The following OCA2 variants were observed in gnomAD, a reference collection of about 807,000 sequenced individuals.
OCA2 encodes OCA2 melanosomal transmembrane protein, also known as P protein.
OCA2 carries 77 observed loss-of-function variants against 100.2 expected under a neutral mutation model. That is an observed-to-expected ratio of 0.77 (90% CI 0.64 to 0.93). The LOEUF (loss-of-function observed/expected upper bound fraction) is 0.93, where lower values mean the gene tolerates loss of function less well. Among genes scored for constraint, OCA2 ranks in the 40% least tolerant of loss-of-function variants. The pLI is 0.00. For missense variants in OCA2, 1,062 were observed against 1,089.1 expected (o/e 0.98, Z 0.35); for synonymous variants, 432 against 439.2 (o/e 0.98, Z 0.21).
chr15:27,987,036 T>C (rs951723337), intron 11 of OCA2, among the ~76,000 whole-genome samples: 8 of 152,246 alleles, frequency 5.3e-5, no homozygotes, highest in Non-Finnish European at 1.2e-4. Flanking sequence ...CATGTGGCCT[T>C]CTGCACCTAC....
intron 18 of OCA2, among the ~76,000 whole-genome samples, chr15:27,938,321 G>A (rs2039529241): frequency 6.6e-6 from 1 of 152,198 alleles, no homozygotes; most frequent in South Asian, 2.1e-4. Context: ...TGAGGGTCAG[G>A]AGGTAGCTAA....
intron 14 of OCA2, among the ~76,000 whole-genome samples, chr15:27,967,109 G>C (rs964919353): frequency 1.3e-5 from 2 of 152,144 alleles, no homozygotes; most frequent in Non-Finnish European, 2.9e-5. Context: ...CAGCCTGGGC[G>C]ACAGAGCGAG....
At chr15:27,768,873 G>T (rs1240561552) in intron 23 of OCA2, among the ~76,000 whole-genome samples, 1 of 152,222 alleles carries the variant, frequency 6.6e-6, no homozygotes, top group African/African-American at 2.4e-5. Context: ...TTCTTCTGGG[G>T]CCGAGCCAGT....
At chr15:27,747,409 G>A in the OCA2 span, among the ~76,000 whole-genome samples, 1 of 152,332 alleles carries the variant, frequency 6.6e-6, no homozygotes, top group East Asian at 1.9e-4. Context: ...ACATTGTGGT[G>A]TATAACAGCC....
chr15:27,720,404 T>C, the OCA2 span, among the ~76,000 whole-genome samples: 1 of 149,858 alleles, frequency 6.7e-6, no homozygotes, highest in Non-Finnish European at 1.5e-5. Context: ...TATTATGTTA[T>C]ATATATGCAT....
chr15:27,915,499 T>C (rs1046296519), intron 19 of OCA2, among the ~76,000 whole-genome samples: 1 of 152,070 alleles, frequency 6.6e-6, no homozygotes, highest in African/African-American at 2.4e-5. Flanking sequence ...ATAAGAGACT[T>C]AAACAAATTT....
intron 23 of OCA2, among the ~76,000 whole-genome samples, chr15:27,837,655 C>T (rs1005896272): frequency 4.6e-5 from 7 of 152,028 alleles, no homozygotes; most frequent in African/African-American, 1.2e-4. Flanking sequence ...CACTGGAAAA[C>T]GATCCTGGTG....
At chr15:28,060,107 G>A (rs930798116) in intron 2 of OCA2, among the ~76,000 whole-genome samples, 2 of 152,220 alleles carry the variant, frequency 1.3e-5, no homozygotes, top group Non-Finnish European at 2.9e-5. Context: ...CACCTCTGCT[G>A]CAGTCTCATG....
chr15:27,988,280 C>T (rs1349439127), intron 11 of OCA2, among the ~76,000 whole-genome samples: 1 of 152,026 alleles, frequency 6.6e-6, no homozygotes, highest in African/African-American at 2.4e-5. Context: ...CTGAATTCCA[C>T]CGAGAAAAAC....
rs1283590471 is a variant in OCA2 at position 27,998,523 on chromosome 15, G to A, written c.1045-7876C>T. Among the ~76,000 whole-genome samples the A allele has an allele frequency of 8.7e-3, 1,308 of 149,868 alleles. 24 individuals are homozygous for A. Among genetic ancestry groups the A allele is most frequent in the African/African-American group, 0.031 (1,266 of 41,234 alleles). On this transcript the variant is annotated intron_variant, in intron 9 of 23. Transcript: ENST00000354638. ...GATACCATCTCACACCAGTTAGAAT[G>A]GTGATCATTAAAAAGTCAAGAAACA...
intron 23 of OCA2, among the ~76,000 whole-genome samples, chr15:27,784,528 A>G (rs564379024): frequency 1.7e-4 from 26 of 152,364 alleles, no homozygotes; most frequent in African/African-American, 6.0e-4. Context: ...AACCAGACTC[A>G]GGTATGACAC....
chr15:27,773,064 CTA>C (rs2031984325), intron 23 of OCA2, among the ~76,000 whole-genome samples: 1 of 152,048 alleles, frequency 6.6e-6, no homozygotes, highest in African/African-American at 2.4e-5. Flanking sequence ...AATATGAACT[CTA>C]TAAAATATTC....
chr15:27,733,768 C>A, the OCA2 span, among the ~76,000 whole-genome samples: 1 of 151,896 alleles, frequency 6.6e-6, no homozygotes, highest in Non-Finnish European at 1.5e-5. Context: ...TTGAATGTCT[C>A]CATTTTAAAT....
intron 19 of OCA2, among the ~76,000 whole-genome samples, chr15:27,921,161 A>G (rs1004752362): frequency 3.3e-5 from 5 of 152,194 alleles, no homozygotes; most frequent in African/African-American, 9.6e-5. Context: ...ACCTAGATGC[A>G]TAATAGTCAC....
At chr15:28,007,050 C>T (rs1370287863) in intron 9 of OCA2, among the ~76,000 whole-genome samples, 2 of 152,156 alleles carry the variant, frequency 1.3e-5, no homozygotes, top group African/African-American at 4.8e-5. Context: ...TGAAAGGACC[C>T]AGAGCAATGA....
chr15:27,869,852 C>T (rs1286613787), intron 21 of OCA2, among the ~76,000 whole-genome samples: 2 of 152,226 alleles, frequency 1.3e-5, no homozygotes, highest in Non-Finnish European at 2.9e-5. Context: ...AAGGCATCAG[C>T]CTGCCTGGGG....
intron 18 of OCA2, among the ~76,000 whole-genome samples, chr15:27,942,866 T>C (rs1291811799): frequency 6.6e-6 from 1 of 152,196 alleles, no homozygotes; most frequent in Non-Finnish European, 1.5e-5. Context: ...TGCATTATAT[T>C]ATATTTATCA....
At chr15:27,851,272 T>C (rs1410968338) in intron 22 of OCA2, 110 bp downstream of exon 22, 18 of 910,874 alleles carry the variant, frequency 2.0e-5, no homozygotes, top group Non-Finnish European at 3.0e-5. Context: ...CAGGAAATCA[T>C]CCAGACTCTC....
chr15:27,738,542 T>A, the OCA2 span, among the ~76,000 whole-genome samples: 3 of 151,832 alleles, frequency 2.0e-5, no homozygotes, highest in Admixed American at 6.6e-5. Context: ...GAGACCATCC[T>A]GGCTAACACG....
Sources: gnomAD v4.1 joint callset for allele counts (sites outside exome capture counted in the v4.1 genomes callset) on GRCh38, gnomAD v4.1.1 for gene constraint, MANE v1.5 for transcripts, NCBI Gene and HGNC (gene_info 2026-07-23, HGNC 2026-07-21) for gene names.